RIPOR1: variants seen among roughly 807,000 people sequenced by gnomAD.
RIPOR1 encodes the protein rho family-interacting cell polarization regulator 1.
Under a neutral mutation model 116.5 loss-of-function variants are expected in RIPOR1, and 58 were observed. The observed-to-expected ratio is 0.50, with a 90% CI of 0.40 to 0.62. The LOEUF (loss-of-function observed/expected upper bound fraction) is 0.62, where lower values mean the gene tolerates loss of function less well. Among genes scored for constraint, RIPOR1 ranks in the 20% least tolerant of loss-of-function variants. The pLI is 0.00. For synonymous variants in RIPOR1, 605 were observed against 650.0 expected, an observed-to-expected ratio of 0.93 and a Z score of 1.05; for missense variants, 1,372 against 1,586.2, an observed-to-expected ratio of 0.86 and a Z score of 2.29.
intron 1 of RIPOR1, among the ~76,000 whole-genome samples, chr16:67,535,664 G>A (rs565729264): frequency 1.3e-5 from 2 of 152,310 alleles, no homozygotes. Context: ...AAATGGGTGA[G>A]GGCTCAAGGG....
Position 67,537,898 on chromosome 16 carries a change from C to CG in RIPOR1, c.-23-520dup, listed in dbSNP as rs950913013. Among the ~76,000 whole-genome samples, 6 of 151,670 alleles carry CG rather than the reference C, an allele frequency of 4.0e-5. No individual in the cohort carries two copies. Among genetic ancestry groups the CG allele is most frequent in the African/African-American group, 9.7e-5 (4 of 41,262 alleles). The stretch of plus-strand genomic sequence containing the variant: ...GGGGGCAGCAGGTCACGCTGGCAGG[C>CG]GGGGGGCGGGCGACAAACCCGCACC... On this transcript the variant is annotated intron_variant, in intron 1 of 21. Transcript: ENST00000042381. This position sits in a 1 kb window ranked among gnomAD's most constrained non-coding sequence, Gnocchi z 4.6.
In RIPOR1 at chr16:67,533,562, C is replaced by T. The variant is rs560273697; in HGVS notation, c.-24+4648C>T. On this transcript the variant is annotated intron_variant, in intron 1 of 21. Transcript: ENST00000042381. Reference sequence around the variant, plus strand: ...AGGAGGGGAACCACGAAGTCCAAAGCTTTGCTGAGATCAAGCAGGATAAGG... The same window carrying T: ...AGGAGGGGAACCACGAAGTCCAAAGTTTTGCTGAGATCAAGCAGGATAAGG... Among the ~76,000 whole-genome samples the T allele has an allele frequency of 5.9e-5, 9 of 152,032 alleles. No individual in the cohort carries two copies. In the South Asian group the frequency reaches 1.7e-3, roughly 28 times the overall value.
intron 4 of RIPOR1, 150 bp from the exon 5 acceptor site, chr16:67,539,578 A>G (rs1189916498): frequency 1.1e-6 from 1 of 937,256 alleles, no homozygotes; most frequent in Non-Finnish European, 1.7e-6. Context: ...ACCAAGGGCT[A>G]GACCAGCAGG....
intron 1 of RIPOR1, among the ~76,000 whole-genome samples, chr16:67,518,941 C>A (rs868757127): frequency 2.6e-5 from 4 of 152,228 alleles, no homozygotes; most frequent in Non-Finnish European, 5.9e-5. Flanking sequence ...TCGGCTGAGA[C>A]CTCAAGGGTG....
At position 67,542,313 on chromosome 16, in the gene RIPOR1, C is replaced by T. The variant is rs764275367; in HGVS notation, c.1527C>T (p.Leu509=). The change falls in exon 13 of 22, where the codon CTC becomes CTT. Residue 509 remains leucine, a synonymous_variant. Coordinates refer to ENST00000042381, the MANE Select transcript of RIPOR1 (RefSeq NM_024519.4). This position sits in a 1 kb window ranked among gnomAD's most constrained non-coding sequence, Gnocchi z 4.6. ...GCCACTCTGCCACAAGCTCTACCCT[C>T]GGTACAACAGGCTCTGTCCCCACAT... ...DPGHSATSST[L]GTTGSVPTST... is the part of the protein sequence containing the mutation. The T allele has an allele frequency of 1.1e-5, 17 of 1,613,814 alleles. No individual in the cohort carries two copies. The highest frequency in any genetic ancestry group is 1.6e-4 in the Middle Eastern group (1 of 6,084).
Position 67,530,723 on chromosome 16 carries a change from C to G in RIPOR1, c.-24+1809C>G, listed in dbSNP as rs1272026602. Among the ~76,000 whole-genome samples the G allele has an allele frequency of 6.6e-6, 1 of 152,138 alleles. No individual in the cohort carries two copies. The highest frequency in any genetic ancestry group is 1.5e-5 in the Non-Finnish European group (1 of 68,020). ...GGGGCCATGCGGACAGGTCAGGGCT[C>G]CTCCACTCACGGCCATCCTGACCTG... is the stretch of plus-strand genomic sequence containing the variant. On this transcript the variant is annotated intron_variant, in intron 1 of 21. Transcript: ENST00000042381. This position sits in a 1 kb window ranked among gnomAD's most constrained non-coding sequence, Gnocchi z 4.5.
rs1426279338 is a variant in RIPOR1 at position 67,545,729 on chromosome 16, C to A, written c.3256C>A (p.Pro1086Thr). ...TGTGCTGAAGGCCCTGAGATTGGCG[C>A]CCGAGGGGCGTCTGCGAAGGGACGG... is the stretch of plus-strand genomic sequence containing the variant. ...AVVLKALRLA[P>T]EGRLRRDGLR... Residue 1086 changes from proline to threonine, a missense_variant, in exon 19 of 22, where the codon CCC becomes ACC. Physicochemically the swap from Pro to Thr is conservative, Grantham distance 38 (BLOSUM62 -1). Coordinates refer to ENST00000042381, the MANE Select transcript of RIPOR1 (RefSeq NM_024519.4). This position sits in a 1 kb window ranked among gnomAD's most constrained non-coding sequence, Gnocchi z 4.8. The A allele has an allele frequency of 6.2e-7, 1 of 1,604,320 alleles. No homozygotes were observed. Among genetic ancestry groups the A allele is most frequent in the East Asian group, 2.2e-5 (1 of 44,828 alleles).
Position 67,540,427 on chromosome 16 carries a change from C to T in RIPOR1, c.632-31C>T, listed in dbSNP as rs1182269860. ...TATGCTGAAGAACCCCAATATGGCT[C>T]ACCGACTTCTCCCCTTCTCCTCCAA... On this transcript the variant is annotated intron_variant, in intron 8 of 21. Coordinates refer to ENST00000042381, the MANE Select transcript of RIPOR1 (RefSeq NM_024519.4). This position sits in a 1 kb window ranked among gnomAD's most constrained non-coding sequence, Gnocchi z 4.7. 1.2e-6 allele frequency: 2 copies of T among 1,614,070 alleles called. No individual in the cohort carries two copies. The highest frequency in any genetic ancestry group is 2.7e-5 in the African/African-American group (2 of 74,924).
Position 67,528,837 on chromosome 16 carries a change from C to T in RIPOR1, c.-101C>T, listed in dbSNP as rs1028263401. ...GGGCCGGCGCCTGCGGCGGCGACAGCGGCAGCTGCGGCGCGACCAGGCCGG... is the reference window on the plus strand; with the variant it reads ...GGGCCGGCGCCTGCGGCGGCGACAGTGGCAGCTGCGGCGCGACCAGGCCGG... On this transcript the variant is annotated 5_prime_UTR_variant, in exon 1 of 22. Coordinates refer to ENST00000042381, the MANE Select transcript of RIPOR1 (RefSeq NM_024519.4). The T allele has an allele frequency of 1.5e-3, 238 of 157,736 alleles. 1 individual carries two copies. The highest frequency in any genetic ancestry group is 2.6e-3 in the Non-Finnish European group (191 of 72,246). The allele number at this position is 157,736 out of a possible 1,614,324, so 9.8% of individuals were successfully genotyped here.
At position 67,544,635 on chromosome 16, in the gene RIPOR1, G is replaced by C; in HGVS notation, c.2734-60G>C. ...AGTGCATGCTGGGACTTGTCCCTGA[G>C]CACGATCCTCCCGAGCCCTACCCTG... On this transcript the variant is annotated intron_variant, in intron 15 of 21. Transcript: ENST00000042381. The surrounding 1 kb of genome is among the most constrained non-coding windows in gnomAD (Gnocchi z 5.1). The C allele has an allele frequency of 1.9e-6, 3 of 1,603,818 alleles. No individual in the cohort carries two copies. Among genetic ancestry groups the C allele is most frequent in the Non-Finnish European group, 1.7e-6 (2 of 1,178,290 alleles).
intron 1 of RIPOR1, among the ~76,000 whole-genome samples, chr16:67,519,002 AGG>A (rs1567556548): frequency 6.6e-6 from 1 of 152,258 alleles, no homozygotes; most frequent in Non-Finnish European, 1.5e-5. Context: ...TGTACGGCCC[AGG>A]CCAGGCGCAG....
chr16:67,545,957 G>A lies in RIPOR1; in HGVS notation c.3396G>A (p.Leu1132=). 1.2e-6 allele frequency: 2 copies of A among 1,614,040 alleles called. No individual in the cohort carries two copies. Among genetic ancestry groups the A allele is most frequent in the East Asian group, 2.2e-5 (1 of 44,882 alleles). ...CTCCCACCCTTCCACAGGCCCTCCT[G>A]TGCTTCCTGGACCAGCTGGAGGATG... is the stretch of plus-strand genomic sequence containing the variant. ...LGPTFRERAL[L]CFLDQLEDED... The change falls in exon 20 of 22, where the codon CTG becomes CTA. Residue 1132 remains leucine, a synonymous_variant. Transcript: ENST00000042381. The surrounding 1 kb of genome is among the most constrained non-coding windows in gnomAD (Gnocchi z 4.8).
intron 21 of RIPOR1, 63 bp from the exon 22 acceptor site, chr16:67,546,303 G>T: frequency 1.2e-6 from 2 of 1,606,476 alleles, no homozygotes; most frequent in African/African-American, 2.7e-5. Context: ...GAGAGATGGC[G>T]CCAGGGGTGG....
upstream of RIPOR1, among the ~76,000 whole-genome samples, chr16:67,525,226 TAC>T (rs1462524381): frequency 1.3e-5 from 2 of 152,108 alleles, no homozygotes; most frequent in East Asian, 1.9e-4. Flanking sequence ...CACACTCACA[TAC>T]ACACACACCC....
Position 67,544,274 on chromosome 16 carries a change from G to A in RIPOR1, c.2601-25G>A, listed in dbSNP as rs779950009. 2.1e-5 allele frequency: 33 copies of A among 1,586,376 alleles called. 2 individuals carry two copies. The South Asian group carries it at 3.1e-4, about 15-fold the overall frequency. On this transcript the variant is annotated intron_variant, in intron 14 of 21. Transcript: ENST00000042381. The surrounding 1 kb of genome is among the most constrained non-coding windows in gnomAD (Gnocchi z 5.1). ...CCAGGTGGTGATGTGTGCCTGTGGG[G>A]TGGTGGACCCCATTTTTCCCTCAGG...
rs1450805889 is a variant in RIPOR1, at chr16:67,545,672, G to A, written c.3199G>A (p.Val1067Met). The change falls in exon 19 of 22, where the codon GTG becomes ATG. Residue 1067 changes from valine to methionine, a missense_variant. By Grantham distance (21) the Val-to-Met change is conservative. This residue lies in a region of RIPOR1 where 1,005 missense variants were observed against 1,144.7 expected (regional missense o/e 0.88). Coordinates refer to ENST00000042381, the MANE Select transcript of RIPOR1 (RefSeq NM_024519.4). This position sits in a 1 kb window ranked among gnomAD's most constrained non-coding sequence, Gnocchi z 4.8. ...ATATCCCCTTTTTTCAGTGCTACTGGTGCGGAATCTGAACTCGGATGATCA... is the reference window on the plus strand; with the variant it reads ...ATATCCCCTTTTTTCAGTGCTACTGATGCGGAATCTGAACTCGGATGATCA... ...VTETAEEVLLVRNLNSDDQAV... is the reference protein window; with the variant it reads ...VTETAEEVLLMRNLNSDDQAV... 3.8e-6 allele frequency: 6 copies of A among 1,569,596 alleles called. No individual in the cohort carries two copies. In the Admixed American group the frequency reaches 5.5e-5, roughly 14 times the overall value.
chr16:67,520,358 T>G (rs1597608926), intron 1 of RIPOR1, among the ~76,000 whole-genome samples: 1 of 136,852 alleles, frequency 7.3e-6, no homozygotes. Flanking sequence ...TCCAACCTGG[T>G]GACAGTGAGA....
chr16:67,523,424 G>A (rs2142392546), intron 1 of RIPOR1, among the ~76,000 whole-genome samples: 1 of 150,354 alleles, frequency 6.7e-6, no homozygotes, highest in African/African-American at 2.4e-5. Flanking sequence ...TACTCGGGAG[G>A]CTGAGGCATG....
rs1346723962 is a variant in RIPOR1 at position 67,531,595 on chromosome 16, T to C, written c.-24+2681T>C. On this transcript the variant is annotated intron_variant, in intron 1 of 21. Transcript: ENST00000042381. This position sits in a 1 kb window ranked among gnomAD's most constrained non-coding sequence, Gnocchi z 4.2. ...TAGTGGGAAGAAGGAATAGGAGCGA[T>C]GGGGGCTGCCGGTCAGATTCTGAAG... 1.3e-5 allele frequency: 6 copies of C among 453,936 alleles called. No homozygotes were observed. Among genetic ancestry groups the C allele is most frequent in the African/African-American group, 8.0e-5 (4 of 49,806 alleles). The allele number at this position is 453,936 out of a possible 1,614,324, so 28.1% of individuals were successfully genotyped here.
Sources: gnomAD v4.1 joint callset for allele counts (sites outside exome capture counted in the v4.1 genomes callset) on GRCh38, gnomAD v4.1.1 for gene constraint, gnomAD v4.1.1 regional missense constraint, Gnocchi (gnomAD v3.1) non-coding constraint, MANE v1.5 for transcripts, NCBI Gene and HGNC (gene_info 2026-07-23, HGNC 2026-07-21) for gene names.